Variants in DOCK8 observed in about 807,000 individuals in gnomAD.
DOCK8 encodes dedicator of cytokinesis protein 8.
In DOCK8, 141 loss-of-function variants were observed where a neutral mutation model predicts 245.6. The ratio of observed to expected loss-of-function variants is 0.57; its 90% CI spans 0.50 to 0.66. The LOEUF (loss-of-function observed/expected upper bound fraction) is 0.66. DOCK8 is among the 30% of genes least tolerant of loss of function. The pLI, the probability that DOCK8 is intolerant of heterozygous loss-of-function variation, is 0.00. For missense variants in DOCK8, 2,965 were observed against 2,603.4 expected (o/e 1.14, Z -3.02); for synonymous variants, 1,168 against 970.2 (o/e 1.20, Z -3.79).
chr9:265,761 G>A (rs62533368), intron 1 of DOCK8, among the ~76,000 whole-genome samples: 3,672 of 152,280 alleles, frequency 0.024, 56 homozygotes, highest in South Asian at 0.051. Flanking sequence ...AGCTGCTGGA[G>A]TAGCTCGTGG....
chr9:319,782 C>CAA (rs1239134753), intron 7 of DOCK8, among the ~76,000 whole-genome samples: 1 of 135,762 alleles, frequency 7.4e-6, no homozygotes, highest in Non-Finnish European at 1.6e-5. Flanking sequence ...ATGTTTGTAA[C>CAA]AGAAAAAAAA....
rs563928205 is a variant in DOCK8 at position 357,905 on chromosome 9, T to G, written c.1680-10113T>G. On this transcript the variant is annotated intron_variant, in intron 14 of 47. Transcript: ENST00000432829. ...CTACACATCAGGAGTTTTCCTTCTG[T>G]TTTCCTTTTTCACTGGTTCCTTTGT... 3.3e-5 allele frequency among the ~76,000 whole-genome samples: 5 copies of G among 152,324 alleles called. No individual in the cohort carries two copies. The South Asian group carries it at 8.3e-4, about 25-fold the overall frequency.
intron 7 of DOCK8, among the ~76,000 whole-genome samples, chr9:324,363 AGGTAAT>A (rs1187383446): frequency 6.6e-6 from 1 of 152,174 alleles, no homozygotes. Context: ...ATGATGTCTG[AGGTAAT>A]GGTGGACTGG....
At position 370,025 on chromosome 9, in the gene DOCK8, A is replaced by C. The variant is rs1050933616; in HGVS notation, c.1798-205A>C. 4 of 606,004 alleles carry C rather than the reference A, an allele frequency of 6.6e-6. No individual in the cohort carries two copies. In the African/African-American group the frequency reaches 7.4e-5, roughly 11 times the overall value. 37.5% of individuals were successfully genotyped at this position (606,004 alleles called of 1,614,324 possible). ...GCCATGTTGCCCAGGCTGGTCTCCA[A>C]CTCCTGGGCTCAAGCCATTCTCCCA... On this transcript the variant is annotated intron_variant, in intron 15 of 47. Coordinates refer to ENST00000432829, the MANE Select transcript of DOCK8 (RefSeq NM_203447.4).
intron 23 of DOCK8, among the ~76,000 whole-genome samples, chr9:387,256 C>A (rs1410910869): frequency 6.6e-6 from 1 of 152,008 alleles, no homozygotes; most frequent in Non-Finnish European, 1.5e-5. Flanking sequence ...TAAGCCTGGC[C>A]AACATGGTGA....
chr9:283,620 C>T (rs10967913), intron 2 of DOCK8, among the ~76,000 whole-genome samples: 3,270 of 152,216 alleles, frequency 0.021, 50 homozygotes, highest in Middle Eastern at 0.065. Flanking sequence ...ATTTAGCTCC[C>T]ACTTCTAAAT....
intron 14 of DOCK8, among the ~76,000 whole-genome samples, chr9:364,372 C>G (rs1254747553): frequency 1.3e-5 from 2 of 152,200 alleles, no homozygotes; most frequent in African/African-American, 4.8e-5. Context: ...GTGACTTGTG[C>G]CTGTAATTCC....
chr9:327,953 C>A (rs542215471), intron 8 of DOCK8, 69 bp from the exon 9 acceptor site: 2 of 1,507,830 alleles, frequency 1.3e-6, no homozygotes, highest in African/African-American at 1.4e-5. Context: ...GTTTTTACTC[C>A]TTTTTAACAT....
intron 34 of DOCK8, among the ~76,000 whole-genome samples, chr9:427,437 A>G (rs2056542952): frequency 1.3e-5 from 2 of 152,128 alleles, no homozygotes; most frequent in Admixed American, 1.3e-4. Context: ...TCTTCTTTGG[A>G]CTTAAATTTG....
chr9:330,096 G>T (rs1182968070), intron 9 of DOCK8, among the ~76,000 whole-genome samples: 1 of 152,008 alleles, frequency 6.6e-6, no homozygotes, highest in Non-Finnish European at 1.5e-5. Context: ...CGAACATCAG[G>T]GTCTTTACTG....
At position 396,429 on chromosome 9, in the gene DOCK8, C is replaced by T. The variant is rs577573730; in HGVS notation, c.2971-356C>T. Among the ~76,000 whole-genome samples the T allele has an allele frequency of 5.9e-5, 9 of 152,290 alleles. No individual in the cohort carries two copies. The East Asian group carries it at 1.4e-3, about 23-fold the overall frequency. ...TCCTTTCTGAGTCATGTGTTCTGTC[C>T]TATGATAGAGGACACCTAGCTGGTT... On this transcript the variant is annotated intron_variant, in intron 24 of 47. Transcript: ENST00000432829.
intron 21 of DOCK8, 27 bp from the exon 22 acceptor site, chr9:382,486 G>C (rs2053761315): frequency 1.2e-6 from 2 of 1,612,798 alleles, no homozygotes; most frequent in Admixed American, 1.7e-5. Flanking sequence ...CCTGTCTGTT[G>C]ACATGTCTCT....
chr9:395,849 A>G (rs556018207), intron 24 of DOCK8, among the ~76,000 whole-genome samples: 1 of 152,338 alleles, frequency 6.6e-6, no homozygotes, highest in East Asian at 1.9e-4. Context: ...TCACCAATTG[A>G]CACAAGGATA....
Position 428,407 on chromosome 9 carries a change from C to T in DOCK8, c.4384C>T (p.Leu1462=). The T allele has an allele frequency of 2.5e-6, 4 of 1,614,216 alleles. No individual in the cohort carries two copies. The highest frequency in any genetic ancestry group is 1.3e-5 in the African/African-American group (1 of 75,058). ...TAAAGACAGCCTGCTGGGAGGTGTT[C>T]TGAGGGTGCTGGTGAATTCTCTGAA... The part of the protein sequence containing the change: ...DCKDSLLGGV[L]RVLVNSLNCD... The change falls in exon 35 of 48, where the codon CTG becomes TTG. Residue 1462 remains leucine, a synonymous_variant. Transcript: ENST00000432829.
chr9:336,472 T>C, intron 11 of DOCK8, 110 bp from the exon 12 acceptor site: 1 of 1,418,658 alleles, frequency 7.0e-7, no homozygotes, highest in Middle Eastern at 1.8e-4. Context: ...AGGATGGCCA[T>C]ATTCAGTGTT....
chr9:276,248 G>C (rs2048342635), intron 2 of DOCK8, among the ~76,000 whole-genome samples: 1 of 152,276 alleles, frequency 6.6e-6, no homozygotes, highest in Admixed American at 6.5e-5. Context: ...TATAAAGAAA[G>C]GTAACACTTA....
chr9:290,384 G>C, intron 4 of DOCK8, among the ~76,000 whole-genome samples: 1 of 152,016 alleles, frequency 6.6e-6, no homozygotes, highest in Non-Finnish European at 1.5e-5. Context: ...CAAAAGTTTG[G>C]GCACCTGGAA....
At chr9:423,827 C>A (rs1306041405) in intron 33 of DOCK8, among the ~76,000 whole-genome samples, 4 of 152,152 alleles carry the variant, frequency 2.6e-5, no homozygotes, top group Admixed American at 2.6e-4. Context: ...TGGTTTAGCT[C>A]ATCTACTCTA....
chr9:377,710 T>A (rs1473635410), intron 20 of DOCK8, among the ~76,000 whole-genome samples: 1 of 152,192 alleles, frequency 6.6e-6, no homozygotes, highest in Non-Finnish European at 1.5e-5. Flanking sequence ...ATCGCTACAA[T>A]CTAGTTTTAT....
Sources: allele counts gnomAD v4.1 joint callset (sites outside exome capture counted in the v4.1 genomes callset), GRCh38; gene constraint gnomAD v4.1.1; transcripts MANE v1.5; gene names NCBI Gene and HGNC (gene_info 2026-07-23, HGNC 2026-07-21).